PHRF1: variants seen among roughly 807,000 people sequenced by gnomAD.
The protein encoded by PHRF1 is PHD and RING finger domain-containing protein 1.
A neutral mutation model predicts 128.9 loss-of-function variants in PHRF1; 53 were observed. The ratio of observed to expected loss-of-function variants is 0.41; its 90% CI spans 0.33 to 0.52. PHRF1 has a LOEUF of 0.52. Among genes scored for constraint, PHRF1 ranks in the 20% least tolerant of loss-of-function variants. PHRF1 has a pLI of 0.21. For missense variants in PHRF1, 2,503 were observed against 2,284.5 expected (o/e 1.10, Z -1.95); for synonymous variants, 1,178 against 980.6 (o/e 1.20, Z -3.76).
intron 10 of PHRF1, among the ~76,000 whole-genome samples, chr11:603,552 C>T (rs1855763293): frequency 6.6e-6 from 1 of 151,982 alleles, no homozygotes; most frequent in Non-Finnish European, 1.5e-5. Flanking sequence ...CCAAGCTGGT[C>T]TTGAACTCCT....
intron 3 of PHRF1, among the ~76,000 whole-genome samples, chr11:583,256 T>G (rs1414892873): frequency 6.6e-6 from 1 of 150,648 alleles, no homozygotes; most frequent in African/African-American, 2.4e-5. Context: ...GGAGAATTGC[T>G]GGAACCCGGG....
At chr11:601,845 A>G in intron 10 of PHRF1, 144 bp downstream of exon 10, 2 of 1,096,444 alleles carry the variant, frequency 1.8e-6, no homozygotes, top group African/African-American at 1.6e-5. Flanking sequence ...GCTTTTCTGT[A>G]TTTACTCAGT....
intron 12 of PHRF1, 144 bp downstream of exon 12, chr11:605,868 G>A (rs1442979239): frequency 6.0e-6 from 8 of 1,332,102 alleles, no homozygotes; most frequent in African/African-American, 1.5e-5. Context: ...CTCATCAGTC[G>A]GCCCTTGGCG....
intron 6 of PHRF1, among the ~76,000 whole-genome samples, chr11:596,623 C>A (rs1447770949): frequency 3.3e-5 from 5 of 152,248 alleles, no homozygotes; most frequent in African/African-American, 4.8e-5. Context: ...ACCAGCAGGC[C>A]TGGTTCCTGG....
intron 10 of PHRF1, among the ~76,000 whole-genome samples, chr11:603,737 T>G (rs1295008504): frequency 6.9e-6 from 1 of 144,478 alleles, no homozygotes; most frequent in African/African-American, 2.5e-5. Context: ...TTGTTTTTTT[T>G]TTTTTTTTTT....
Position 582,197 on chromosome 11 carries a change from G to A in PHRF1, c.214+116G>A, listed in dbSNP as rs546575755. 2.6e-5 allele frequency: 38 copies of A among 1,469,910 alleles called. 1 individual carries two copies. The Middle Eastern group carries it at 5.2e-4, about 20-fold the overall frequency. 91.1% of individuals were successfully genotyped at this position (1,469,910 alleles called of 1,614,324 possible). On this transcript the variant is annotated intron_variant, in intron 3 of 17. Coordinates refer to ENST00000264555, the MANE Select transcript of PHRF1 (RefSeq NM_001286581.2). ...TCACCACAGCTGGCCATGTCCCTGCGGTCACCTACGGTGAGGCCTTATATT... is the reference window on the plus strand; with the variant it reads ...TCACCACAGCTGGCCATGTCCCTGCAGTCACCTACGGTGAGGCCTTATATT...
chr11:594,749 A>G (rs1855183686), intron 6 of PHRF1, among the ~76,000 whole-genome samples: 1 of 152,248 alleles, frequency 6.6e-6, no homozygotes, highest in African/African-American at 2.4e-5. Context: ...GGCGTGAGCC[A>G]CTATGCCCAA....
intron 9 of PHRF1, among the ~76,000 whole-genome samples, chr11:600,708 T>C (rs559806986): frequency 6.6e-6 from 1 of 152,144 alleles, no homozygotes; most frequent in South Asian, 2.1e-4. Flanking sequence ...GGCTTACACC[T>C]GTAATCCCAG....
At chr11:599,234 T>C (rs1855486134) in intron 9 of PHRF1, among the ~76,000 whole-genome samples, 3 of 150,142 alleles carry the variant, frequency 2.0e-5, no homozygotes, top group Non-Finnish European at 4.4e-5. Flanking sequence ...TGCATACTTT[T>C]TCTTTTTTTT....
chr11:591,142 T>C (rs1304103695), intron 4 of PHRF1, among the ~76,000 whole-genome samples: 1 of 152,178 alleles, frequency 6.6e-6, no homozygotes, highest in Non-Finnish European at 1.5e-5. Context: ...CCTTTATTGT[T>C]CTTACTTGTC....
chr11:586,719 G>A (rs747456126), intron 3 of PHRF1, among the ~76,000 whole-genome samples: 6 of 152,184 alleles, frequency 3.9e-5, no homozygotes, highest in African/African-American at 9.7e-5. Flanking sequence ...TGGCCAGAAC[G>A]GTTGTGGTTA....
chr11:609,535 C>A lies in PHRF1; in HGVS notation c.4079C>A (p.Ser1360Tyr). The change falls in exon 14 of 18, where the codon TCC (serine) becomes TAC (tyrosine). Residue 1360 changes from serine to tyrosine, a missense_variant. Physicochemically the swap from Ser to Tyr is moderately radical, Grantham distance 144. Coordinates refer to ENST00000264555, the MANE Select transcript of PHRF1 (RefSeq NM_001286581.2). ...GCTGAGAAGGCTGAGGCACCCAGTT[C>A]CCCGGATGTGGCGCCTGCGGGGAAG... Reference protein sequence around the residue: ...DAAEKAEAPSSPDVAPAGKED... With the variant: ...DAAEKAEAPSYPDVAPAGKED... 1 of 1,600,792 alleles carries A rather than the reference C, an allele frequency of 6.2e-7. No individual in the cohort carries two copies.
intron 10 of PHRF1, among the ~76,000 whole-genome samples, chr11:602,516 A>G (rs528404613): frequency 1.3e-5 from 2 of 151,924 alleles, no homozygotes; most frequent in Non-Finnish European, 2.9e-5. Context: ...CCCCATCTCT[A>G]CTAAAAAGAC....
Position 601,762 on chromosome 11 carries a change from G to A in PHRF1, c.1152+61G>A, listed in dbSNP as rs1001621190. ...GGCCACAGCACCCTCGCGTGGTTAC[G>A]GAGCAGGGCCTAAGCCTCCCGCTGG... On this transcript the variant is annotated intron_variant, in intron 10 of 17. Transcript: ENST00000264555. The A allele has an allele frequency of 1.5e-5, 24 of 1,603,578 alleles. No homozygotes were observed. The African/African-American group carries it at 1.7e-4, about 12-fold the overall frequency.
chr11:587,031 C>T (rs906484438), intron 3 of PHRF1, among the ~76,000 whole-genome samples: 9 of 152,196 alleles, frequency 5.9e-5, no homozygotes, highest in Non-Finnish European at 7.3e-5. Flanking sequence ...CTCAGCTTCC[C>T]GCCCCTCGGT....
chr11:609,626 G>C lies in PHRF1; in HGVS notation c.4170G>C (p.Gln1390His). The change falls in exon 14 of 18, where the codon CAG becomes CAC. Residue 1390 changes from glutamine to histidine, a missense_variant. Gln to His is a conservative substitution (Grantham distance 24). Coordinates refer to ENST00000264555, the MANE Select transcript of PHRF1 (RefSeq NM_001286581.2). ...CCCGGCCTGAGGAGGTGGTTTCGCA[G>C]ACCCCCCTGCTGCGGTCCAGAGCCC... Reference protein sequence around the residue: ...EAARPEEVVSQTPLLRSRALV... With the variant: ...EAARPEEVVSHTPLLRSRALV... 1 of 1,582,582 alleles carries C rather than the reference G, an allele frequency of 6.3e-7. No individual in the cohort carries two copies. Among genetic ancestry groups the C allele is most frequent in the Non-Finnish European group, 8.6e-7 (1 of 1,166,296 alleles).
At chr11:578,486 T>C (rs1041530356) in intron 1 of PHRF1, among the ~76,000 whole-genome samples, 1 of 152,220 alleles carries the variant, frequency 6.6e-6, no homozygotes, top group Non-Finnish European at 1.5e-5. Flanking sequence ...CCAGCTCCTA[T>C]GTGCCAAACC....
Position 597,101 on chromosome 11 carries a change from G to T in PHRF1, c.718+81G>T. ...GCGGTCCCCGGGGTTAGGTTTGGCTGCTGTGTGGGGAGGACATCTAGGGCT... is the reference window on the plus strand; with the variant it reads ...GCGGTCCCCGGGGTTAGGTTTGGCTTCTGTGTGGGGAGGACATCTAGGGCT... On this transcript the variant is annotated intron_variant, in intron 7 of 17. Coordinates refer to ENST00000264555, the MANE Select transcript of PHRF1 (RefSeq NM_001286581.2). The surrounding 1 kb of genome is among the most constrained non-coding windows in gnomAD (Gnocchi z 6.5). 7.0e-7 allele frequency: 1 copy of T among 1,424,094 alleles called. No individual in the cohort carries two copies. The highest frequency in any genetic ancestry group is 9.7e-7 in the Non-Finnish European group (1 of 1,033,244). The allele number at this position is 1,424,094 out of a possible 1,614,324, so 88.2% of individuals were successfully genotyped here.
intron 4 of PHRF1, 107 bp downstream of exon 4, chr11:587,571 G>T: frequency 8.6e-7 from 1 of 1,160,770 alleles, no homozygotes; most frequent in South Asian, 1.4e-5. Flanking sequence ...TGTCTGCTCT[G>T]CGGCTGACCC....
Sources: gnomAD v4.1 joint callset for allele counts (sites outside exome capture counted in the v4.1 genomes callset) on GRCh38, gnomAD v4.1.1 for gene constraint, Gnocchi (gnomAD v3.1) non-coding constraint, MANE v1.5 for transcripts, NCBI Gene and HGNC (gene_info 2026-07-23, HGNC 2026-07-21) for gene names.